Variants in CDH13 observed in about 807,000 individuals in gnomAD.
CDH13 encodes the protein cadherin 13, also known as cadherin-13.
In CDH13, 24 loss-of-function variants were observed where a neutral mutation model predicts 63.8. The ratio of observed to expected loss-of-function variants is 0.38; its 90% confidence interval spans 0.27 to 0.53. The LOEUF (loss-of-function observed/expected upper bound fraction) is 0.53, where lower values mean the gene tolerates loss of function less well. Ranked by LOEUF, CDH13 falls within the 20% of genes least tolerant of loss-of-function variation. The pLI is 0.85. For missense variants in CDH13, 1,049 were observed against 903.1 expected (o/e 1.16, Z -2.07); for synonymous variants, 503 against 355.3 (o/e 1.42, Z -4.67).
At chr16:82,734,874 C>T (rs2151042385) in intron 1 of CDH13, among the ~76,000 whole-genome samples, 1 of 152,314 alleles carries the variant, frequency 6.6e-6, no homozygotes, top group Admixed American at 6.5e-5. Context: ...GGGCTGCCTG[C>T]TGACCGCACT....
At chr16:82,808,825 G>C (rs1166577536) in intron 1 of CDH13, among the ~76,000 whole-genome samples, 1 of 152,034 alleles carries the variant, frequency 6.6e-6, no homozygotes, top group Non-Finnish European at 1.5e-5. Flanking sequence ...TCATGTTCCT[G>C]GTGTGAGTCT....
intron 3 of CDH13, among the ~76,000 whole-genome samples, chr16:83,059,825 C>T (rs1197409608): frequency 2.3e-5 from 3 of 130,084 alleles, no homozygotes; most frequent in African/African-American, 5.8e-5. Flanking sequence ...GAAGGAGTCT[C>T]GCTCTGTCAC....
Position 83,602,544 on chromosome 16 carries a change from A to G in CDH13, c.1051A>G (p.Ile351Val), listed in dbSNP as rs749150799. 6.2e-7 allele frequency: 1 copy of G among 1,614,042 alleles called. No individual in the cohort carries two copies. Among genetic ancestry groups the G allele is most frequent in the Non-Finnish European group, 8.5e-7 (1 of 1,179,890 alleles). ...VGLTGTATAT[I>V]MIDDKNDHSP... is the part of the protein sequence containing the mutation. Reference sequence around the variant, plus strand: ...ATTAACAGGCACGGCCACAGCCACGATCATGATCGATGACAAAAATGATCA... The same window carrying G: ...ATTAACAGGCACGGCCACAGCCACGGTCATGATCGATGACAAAAATGATCA... Residue 351 changes from isoleucine (I) to valine (V), a missense_variant, in exon 8 of 14, where the codon ATC (isoleucine) becomes GTC (valine). Ile to Val is a conservative substitution (Grantham distance 29). Transcript: ENST00000567109.
intron 2 of CDH13, 26 bp from the exon 3 acceptor site, chr16:83,031,984 C>T (rs1056635050): frequency 5.8e-6 from 9 of 1,548,552 alleles, no homozygotes; most frequent in Admixed American, 1.9e-5. Flanking sequence ...ACTCATGCTC[C>T]TTCTGTTGTT....
intron 1 of CDH13, among the ~76,000 whole-genome samples, chr16:82,763,770 C>T (rs2034944199): frequency 6.6e-6 from 1 of 152,214 alleles, no homozygotes; most frequent in South Asian, 2.1e-4. Flanking sequence ...GCAGCCTCCT[C>T]TGCCCAGGCT....
intron 1 of CDH13, among the ~76,000 whole-genome samples, chr16:82,828,572 A>G (rs1024487361): frequency 1.3e-5 from 2 of 152,128 alleles, no homozygotes; most frequent in Non-Finnish European, 2.9e-5. Context: ...GGTTGCAGTG[A>G]GATCACACCA....
At chr16:83,524,926 C>T (rs182566190) in intron 7 of CDH13, among the ~76,000 whole-genome samples, 3 of 152,192 alleles carry the variant, frequency 2.0e-5, no homozygotes, top group Admixed American at 1.3e-4. Context: ...ATCCTGAATG[C>T]GCATGAGATG....
chr16:83,611,445 G>A (rs1007493610), intron 8 of CDH13, among the ~76,000 whole-genome samples: 7 of 151,594 alleles, frequency 4.6e-5, no homozygotes, highest in African/African-American at 1.7e-4. Flanking sequence ...TTCTTGGTTG[G>A]TCCTGCCATG....
At chr16:83,630,885 C>T (rs1293709656) in intron 8 of CDH13, among the ~76,000 whole-genome samples, 2 of 152,106 alleles carry the variant, frequency 1.3e-5, no homozygotes, top group Non-Finnish European at 2.9e-5. Context: ...CCCATAGGTC[C>T]CAGCTAGACT....
At chr16:83,512,446 G>C (rs2151606136) in intron 7 of CDH13, among the ~76,000 whole-genome samples, 2 of 151,052 alleles carry the variant, frequency 1.3e-5, no homozygotes, top group South Asian at 4.2e-4. Flanking sequence ...CGAGGTGGGT[G>C]GATCACGAGG....
intron 12 of CDH13, among the ~76,000 whole-genome samples, chr16:83,782,469 C>G (rs928802322): frequency 2.0e-5 from 3 of 152,140 alleles, no homozygotes; most frequent in African/African-American, 7.2e-5. Flanking sequence ...GACTCAGTGG[C>G]TCACACCTGT....
chr16:83,763,369 A>ATTCAAAATTGAAATATTG (rs1914130111), intron 11 of CDH13, among the ~76,000 whole-genome samples: 1 of 152,176 alleles, frequency 6.6e-6, no homozygotes, highest in African/African-American at 2.4e-5. Context: ...ATGCCAGCTG[A>ATTCAAAATTGAAATATTG]TTCAAAATTG....
intron 1 of CDH13, among the ~76,000 whole-genome samples, chr16:82,653,472 G>A (rs1175573479): frequency 2.0e-5 from 3 of 152,202 alleles, no homozygotes; most frequent in African/African-American, 7.2e-5. Flanking sequence ...GGCCCTGAAG[G>A]AGCAACAGAA....
chr16:83,409,371 G>A (rs1048501471), intron 6 of CDH13, among the ~76,000 whole-genome samples: 2 of 152,190 alleles, frequency 1.3e-5, no homozygotes, highest in East Asian at 3.9e-4. Context: ...TGCCTTTGGG[G>A]AAAGCCCTCA....
chr16:83,104,753 G>C (rs1035724034), intron 3 of CDH13, among the ~76,000 whole-genome samples: 5 of 152,156 alleles, frequency 3.3e-5, no homozygotes, highest in African/African-American at 1.2e-4. Flanking sequence ...AATTGACTTT[G>C]GTGGTTAGTG....
intron 6 of CDH13, among the ~76,000 whole-genome samples, chr16:83,347,388 G>A (rs1419271694): frequency 6.6e-6 from 1 of 151,840 alleles, no homozygotes; most frequent in South Asian, 2.1e-4. Context: ...TGGGGTTGGG[G>A]GCTGACTCTG....
chr16:83,314,551 G>T (rs958500439), intron 5 of CDH13, among the ~76,000 whole-genome samples: 1 of 151,926 alleles, frequency 6.6e-6, no homozygotes, highest in Non-Finnish European at 1.5e-5. Context: ...TGGCATGTCA[G>T]TGTGTTAAAA....
At chr16:83,598,314 A>C (rs1159296611) in intron 7 of CDH13, among the ~76,000 whole-genome samples, 2 of 152,142 alleles carry the variant, frequency 1.3e-5, no homozygotes, top group African/African-American at 4.8e-5. Flanking sequence ...GCAGTGAACC[A>C]TGACCACATC....
intron 1 of CDH13, among the ~76,000 whole-genome samples, chr16:82,680,465 G>A (rs1371724809): frequency 6.8e-6 from 1 of 147,718 alleles, no homozygotes; most frequent in East Asian, 2.2e-4. Flanking sequence ...TTGCTGTGTG[G>A]TTGAGATCTG....
Sources: gnomAD v4.1 joint callset for allele counts (sites outside exome capture counted in the v4.1 genomes callset) on GRCh38, gnomAD v4.1.1 for gene constraint, MANE v1.5 for transcripts, NCBI Gene and HGNC (gene_info 2026-07-23, HGNC 2026-07-21) for gene names.